The following USP3 variants were observed in gnomAD, a reference collection of about 807,000 sequenced individuals.
USP3 encodes ubiquitin carboxyl-terminal hydrolase 3.
In USP3, 20 loss-of-function variants were observed where a neutral mutation model predicts 72.3. That is an observed-to-expected ratio of 0.28 (90% CI 0.19 to 0.40). USP3 has a LOEUF of 0.40. Ranked by LOEUF, USP3 falls within the 10% of genes least tolerant of loss-of-function variation. The pLI, the probability that USP3 is intolerant of heterozygous loss-of-function variation, is 1.00. For synonymous variants in USP3, 222 were observed against 225.3 expected (o/e 0.99, Z 0.13); for missense variants, 479 against 633.9 (o/e 0.76, Z 2.62).
intron 1 of USP3, among the ~76,000 whole-genome samples, chr15:63,510,999 TTATC>T (rs1272343225): frequency 6.6e-6 from 1 of 152,064 alleles, no homozygotes; most frequent in Non-Finnish European, 1.5e-5. Context: ...GCAGATGTGA[TTATC>T]TATAGTAATT....
intron 14 of USP3, among the ~76,000 whole-genome samples, chr15:63,589,732 T>C (rs4984303): frequency 0.49 from 73,819 of 151,868 alleles, 18,944 homozygotes; most frequent in Non-Finnish European, 0.57. Flanking sequence ...ACCCCTATTA[T>C]ATGCATAGTG....
rs35244583 is a variant in USP3, at chr15:63,520,554, A to ATTTTTTTTTTTTTTTTT, written c.92-12082_92-12066dup. 3.8e-5 allele frequency among the ~76,000 whole-genome samples: 4 copies of ATTTTTTTTTTTTTTTTT among 105,424 alleles called. 1 individual carries two copies. The highest frequency in any genetic ancestry group is 3.7e-5 in the Non-Finnish European group (2 of 53,948). The allele number at this position is 105,424 out of a possible 152,430, so 69.2% of individuals were successfully genotyped here. A position where few individuals can be genotyped will look rare whatever the true frequency, so the allele number is the denominator to read the frequency against. On this transcript the variant is annotated intron_variant, in intron 1 of 14. Coordinates refer to ENST00000380324, the MANE Select transcript of USP3 (RefSeq NM_006537.4). Reference sequence around the variant, plus strand: ...TTTGTTTGTTTGATTTCTGTTTTAGATTTTTTTTTTTTTTTTTTTTTTTTT... The same window carrying ATTTTTTTTTTTTTTTTT: ...TTTGTTTGTTTGATTTCTGTTTTAGATTTTTTTTTTTTTTTTTTTTTTTTTTTTTTTTTTTTTTTTTT...
intron 6 of USP3, among the ~76,000 whole-genome samples, chr15:63,558,885 A>T (rs374020452): frequency 3.7e-4 from 56 of 152,204 alleles, no homozygotes; most frequent in East Asian, 3.1e-3. Flanking sequence ...AAAAATAAAT[A>T]AATTAATTAA....
chr15:63,514,202 A>G (rs1361883463), intron 1 of USP3, among the ~76,000 whole-genome samples: 1 of 152,040 alleles, frequency 6.6e-6, no homozygotes, highest in African/African-American at 2.4e-5. Context: ...GTTTATATAT[A>G]GTTTTTTTTA....
At chr15:63,541,211 A>G (rs759835331) in intron 3 of USP3, among the ~76,000 whole-genome samples, 8 of 152,166 alleles carry the variant, frequency 5.3e-5, no homozygotes, top group Non-Finnish European at 1.2e-4. Flanking sequence ...CATCCTTTCA[A>G]ATGAAGAAAT....
At chr15:63,545,578 TG>T (rs1298667554) in intron 3 of USP3, among the ~76,000 whole-genome samples, 1 of 152,074 alleles carries the variant, frequency 6.6e-6, no homozygotes, top group Non-Finnish European at 1.5e-5. Context: ...TCAAGTATTT[TG>T]TTTTTTTTTA....
intron 1 of USP3, among the ~76,000 whole-genome samples, chr15:63,506,266 G>A (rs1055933150): frequency 6.6e-6 from 1 of 152,088 alleles, no homozygotes; most frequent in South Asian, 2.1e-4. Flanking sequence ...AAGGTGTATG[G>A]CACTGCTTTA....
rs565304163 is a variant in USP3, at chr15:63,593,346, A to T, written c.*2520A>T. The stretch of plus-strand genomic sequence containing the variant: ...TTGATCTTGCAAAGTATCTCCTATG[A>T]ATCCGGGCTCTTTTGCTTAGAAGGT... On this transcript the variant is annotated 3_prime_UTR_variant, in exon 15 of 15. Coordinates refer to ENST00000380324, the MANE Select transcript of USP3 (RefSeq NM_006537.4). The T allele has an allele frequency of 6.6e-6, 1 of 152,328 alleles. No homozygotes were observed. Among genetic ancestry groups the T allele is most frequent in the South Asian group, 2.1e-4 (1 of 4,826 alleles). 9.4% of individuals were successfully genotyped at this position (152,328 alleles called of 1,614,324 possible). A position where few individuals can be genotyped will look rare whatever the true frequency, so the allele number is the denominator to read the frequency against.
At chr15:63,525,882 C>T (rs904826570) in intron 1 of USP3, among the ~76,000 whole-genome samples, 8 of 152,112 alleles carry the variant, frequency 5.3e-5, no homozygotes, top group Admixed American at 2.0e-4. Context: ...GATACTTTCA[C>T]GATGTATGTG....
At chr15:63,587,632 A>G (rs927861699) in intron 11 of USP3, 8 of 152,252 alleles carry the variant, frequency 5.3e-5, no homozygotes, top group Non-Finnish European at 1.0e-4. Flanking sequence ...TTTGCACCAC[A>G]TAAGGTCTCT....
At position 63,537,107 on chromosome 15, in the gene USP3, A is replaced by G. The variant is rs769680894; in HGVS notation, c.235A>G (p.Lys79Glu). 2 of 1,614,166 alleles carry G rather than the reference A, an allele frequency of 1.2e-6. No homozygotes were observed. Among genetic ancestry groups the G allele is most frequent in the Admixed American group, 1.7e-5 (1 of 60,024 alleles). The change falls in exon 3 of 15, where the codon AAA (lysine) becomes GAA (glutamate). Residue 79 changes from lysine (K) to glutamate (E), a missense_variant. By Grantham distance (56) the Lys-to-Glu change is moderately conservative. Transcript: ENST00000380324. ...TNHKKSEKQDKVQHTVCMDCS... is the reference protein window; with the variant it reads ...TNHKKSEKQDEVQHTVCMDCS... The stretch of plus-strand genomic sequence containing the variant: ...CCATAAGAAATCAGAAAAGCAAGAT[A>G]AAGTTCAGCACACAGTATGTATGGA...
chr15:63,556,777 AGAGT>A (rs746062522), intron 5 of USP3, 29 bp downstream of exon 5: 70 of 1,434,300 alleles, frequency 4.9e-5, no homozygotes, highest in Non-Finnish European at 6.2e-5. Flanking sequence ...TTCAAATATA[AGAGT>A]TAGTTGAGAT....
chr15:63,514,482 C>G (rs1195141612), intron 1 of USP3, among the ~76,000 whole-genome samples: 1 of 151,972 alleles, frequency 6.6e-6, no homozygotes, highest in Non-Finnish European at 1.5e-5. Context: ...TTTCTTTTTT[C>G]TATTTCTTCA....
chr15:63,547,794 GAGAGAGGCATAGAGAGAGGCAT>G (rs2066362173), intron 3 of USP3, among the ~76,000 whole-genome samples: 9 of 108,276 alleles, frequency 8.3e-5, no homozygotes, highest in East Asian at 2.2e-4. Flanking sequence ...GAGAGAGAGA[GAGAGAGGCATAGAGAGAGGCAT>G]AGAGAGAGAG....
chr15:63,560,743 A>AT (rs1211556263), intron 7 of USP3, among the ~76,000 whole-genome samples: 1 of 152,178 alleles, frequency 6.6e-6, no homozygotes, highest in Non-Finnish European at 1.5e-5. Context: ...CTGTATCCTC[A>AT]TTTGGTGTAG....
intron 4 of USP3, among the ~76,000 whole-genome samples, chr15:63,554,550 C>T (rs1165074011): frequency 2.6e-5 from 4 of 152,156 alleles, no homozygotes; most frequent in East Asian, 3.8e-4. Flanking sequence ...AATCATTAAG[C>T]GCCATCTAAT....
At chr15:63,584,743 A>G (rs2067027070) in intron 11 of USP3, among the ~76,000 whole-genome samples, 1 of 152,080 alleles carries the variant, frequency 6.6e-6, no homozygotes, top group Non-Finnish European at 1.5e-5. Flanking sequence ...GTATCCCTCA[A>G]TACACAATTT....
intron 1 of USP3, among the ~76,000 whole-genome samples, chr15:63,531,805 A>G (rs1285727059): frequency 1.3e-5 from 2 of 152,132 alleles, no homozygotes; most frequent in Non-Finnish European, 2.9e-5. Context: ...GAGGCTGACT[A>G]GTGGCTCCCA....
intron 1 of USP3, among the ~76,000 whole-genome samples, chr15:63,518,938 T>C (rs926998532): frequency 3.8e-4 from 58 of 152,252 alleles, no homozygotes; most frequent in Admixed American, 4.6e-4. Flanking sequence ...GCTAATTTTT[T>C]GTATTTTTAG....
Sources: gnomAD v4.1 joint callset for allele counts (sites outside exome capture counted in the v4.1 genomes callset) on GRCh38, gnomAD v4.1.1 for gene constraint, MANE v1.5 for transcripts, NCBI Gene and HGNC (gene_info 2026-07-23, HGNC 2026-07-21) for gene names.